MAEA: variants seen among roughly 807,000 people sequenced by gnomAD.
MAEA encodes macrophage erythroblast attacher, E3 ubiquitin ligase.
In MAEA, 22 loss-of-function variants were observed where a neutral mutation model predicts 46.2. The observed-to-expected ratio is 0.48, with a 90% CI of 0.34 to 0.68. The LOEUF is 0.68. Among genes scored for constraint, MAEA ranks in the 30% least tolerant of loss-of-function variants. The probability of loss-of-function intolerance (pLI) is 0.01; values close to 1 mark genes in which losing one functional copy is unlikely to be tolerated. For missense variants in MAEA, 393 were observed against 558.1 expected (o/e 0.70, Z 2.98); for synonymous variants, 246 against 222.6 (o/e 1.11, Z -0.94).
At chr4:1,335,235 A>C (rs1196479055) in intron 6 of MAEA, 14 of 985,480 alleles carry the variant, frequency 1.4e-5, no homozygotes, top group Non-Finnish European at 1.7e-5. Context: ...ATTTCTCTGA[A>C]GTAAGAGTTT....
At chr4:1,316,810 C>T (rs1737235145) in intron 3 of MAEA, among the ~76,000 whole-genome samples, 1 of 152,088 alleles carries the variant, frequency 6.6e-6, no homozygotes, top group South Asian at 2.1e-4. Flanking sequence ...GCCCATGGGG[C>T]CACACTCACG....
At chr4:1,316,863 C>T (rs1242963802) in intron 3 of MAEA, among the ~76,000 whole-genome samples, 1 of 152,002 alleles carries the variant, frequency 6.6e-6, no homozygotes, top group Non-Finnish European at 1.5e-5. Context: ...TTGCAGCCTC[C>T]CCCACACTCC....
chr4:1,323,707 C>T (rs1244349573), intron 4 of MAEA: 1 of 676,798 alleles, frequency 1.5e-6, no homozygotes, highest in East Asian at 2.7e-5. Context: ...GGGCTGTTTC[C>T]TGTGGATGTC....
chr4:1,327,602 GC>G, intron 4 of MAEA, 24 bp from the exon 5 acceptor site: 1 of 1,589,806 alleles, frequency 6.3e-7, no homozygotes, highest in Non-Finnish European at 8.6e-7. Context: ...TGCTGTCTAA[GC>G]CCTCGTCTTG....
In MAEA at chr4:1,321,305, G is replaced by T. The variant is rs971984677; in HGVS notation, c.457-1076G>T. 2.6e-5 allele frequency among the ~76,000 whole-genome samples: 4 copies of T among 151,842 alleles called. No individual in the cohort carries two copies. In the East Asian group the frequency reaches 5.8e-4, roughly 22 times the overall value. On this transcript the variant is annotated intron_variant, in intron 3 of 8. Coordinates refer to ENST00000303400, the MANE Select transcript of MAEA (RefSeq NM_001017405.3). ...AACGCTATGAAGGGGCTTTAAAAAA[G>T]ATATCATCAAAGCAAACATGCAAGA...
intron 3 of MAEA, among the ~76,000 whole-genome samples, chr4:1,317,773 A>G (rs940148311): frequency 1.3e-5 from 2 of 152,222 alleles, no homozygotes; most frequent in Non-Finnish European, 2.9e-5. Context: ...GGCAAAGTGC[A>G]CTGATCCTCT....
chr4:1,328,608 G>A (rs1287620693), intron 5 of MAEA: 12 of 1,222,712 alleles, frequency 9.8e-6, no homozygotes, highest in African/African-American at 6.3e-5. Context: ...ACAGAAACCC[G>A]ACCGCGACTC....
At chr4:1,301,158 A>G (rs2108874018) in intron 1 of MAEA, among the ~76,000 whole-genome samples, 1 of 152,338 alleles carries the variant, frequency 6.6e-6, no homozygotes, top group South Asian at 2.1e-4. Flanking sequence ...AAACATGATG[A>G]TGACACACTG....
chr4:1,333,169 C>T (rs1712071094), intron 6 of MAEA, among the ~76,000 whole-genome samples: 1 of 151,944 alleles, frequency 6.6e-6, no homozygotes, highest in Non-Finnish European at 1.5e-5. Flanking sequence ...GACCCCACCT[C>T]TACAAAAAAA....
chr4:1,301,276 C>T (rs150632379), intron 1 of MAEA, among the ~76,000 whole-genome samples: 4 of 152,300 alleles, frequency 2.6e-5, no homozygotes, highest in East Asian at 3.9e-4. Context: ...GGGCAGCGGG[C>T]GGGCAGGTGC....
intron 1 of MAEA, chr4:1,309,457 G>A (rs1352928250): frequency 3.8e-6 from 5 of 1,315,462 alleles, no homozygotes; most frequent in African/African-American, 1.5e-5. Flanking sequence ...TGGCTCCTCT[G>A]GGGGGCGTGG....
intron 1 of MAEA, among the ~76,000 whole-genome samples, chr4:1,295,639 T>TACCTGTACCCCACTCACCCGC (rs1734558931): frequency 8.2e-6 from 1 of 121,798 alleles, no homozygotes; most frequent in Non-Finnish European, 1.8e-5. Flanking sequence ...CCATCACCCG[T>TACCTGTACCCCACTCACCCGC]ACCTGTACCC....
intron 6 of MAEA, chr4:1,335,284 G>A: frequency 2.0e-6 from 2 of 985,502 alleles, no homozygotes; most frequent in Non-Finnish European, 2.4e-6. Flanking sequence ...GCACTGAGCT[G>A]TCCTTCCAGC....
At chr4:1,312,211 T>A (rs915595779) in intron 2 of MAEA, 50 bp downstream of exon 2, 1 of 1,605,306 alleles carries the variant, frequency 6.2e-7, no homozygotes, top group Non-Finnish European at 8.5e-7. Context: ...GGACACCCCT[T>A]TTGTCTCGAA....
chr4:1,317,684 C>T (rs181679473), intron 3 of MAEA, among the ~76,000 whole-genome samples: 2 of 152,292 alleles, frequency 1.3e-5, no homozygotes, highest in African/African-American at 4.8e-5. Flanking sequence ...TTGCTCTCGG[C>T]ACCGCTGGGG....
Position 1,338,871 on chromosome 4 carries a change from C to G in MAEA, c.1096-203C>G, listed in dbSNP as rs1713164938. 4.6e-6 allele frequency: 3 copies of G among 656,374 alleles called. No homozygotes were observed. In the African/African-American group the frequency reaches 5.4e-5, roughly 12 times the overall value. 40.7% of individuals were successfully genotyped at this position (656,374 alleles called of 1,614,324 possible). ...GGGCTGTCCTCTCGCCCCACCCTGC[C>G]TTAGCTTCGTTCGAAATGGATGAAG... On this transcript the variant is annotated intron_variant, in intron 8 of 8. Transcript: ENST00000303400.
chr4:1,297,613 C>A (rs1306012073), intron 1 of MAEA, among the ~76,000 whole-genome samples: 1 of 152,150 alleles, frequency 6.6e-6, no homozygotes, highest in Non-Finnish European at 1.5e-5. Flanking sequence ...CTGACGCGGT[C>A]GCCTGCATCT....
intron 5 of MAEA, chr4:1,329,821 A>G (rs948341258): frequency 3.0e-6 from 3 of 985,378 alleles, no homozygotes; most frequent in Non-Finnish European, 3.6e-6. Context: ...AAGGCGGAGA[A>G]GCCTGGCCAC....
intron 7 of MAEA, 187 bp downstream of exon 7, chr4:1,337,181 G>A (rs1032619672): frequency 9.2e-6 from 6 of 652,936 alleles, no homozygotes; most frequent in East Asian, 5.6e-5. Flanking sequence ...CCTCGGATGC[G>A]TCGTGCAGCC....
Sources: allele counts gnomAD v4.1 joint callset (sites outside exome capture counted in the v4.1 genomes callset), GRCh38; gene constraint gnomAD v4.1.1; transcripts MANE v1.5; gene names NCBI Gene and HGNC (gene_info 2026-07-23, HGNC 2026-07-21).